The following SPTLC2 variants were observed in gnomAD, a reference collection of about 807,000 sequenced individuals.
SPTLC2 encodes serine palmitoyltransferase 2.
A neutral mutation model predicts 62.0 loss-of-function variants in SPTLC2; 21 were observed. The ratio of observed to expected loss-of-function variants is 0.34; its 90% CI spans 0.24 to 0.49. The LOEUF is 0.49. Ranked by LOEUF, SPTLC2 falls within the 20% of genes least tolerant of loss-of-function variation. The pLI, the probability that SPTLC2 is intolerant of heterozygous loss-of-function variation, is 0.99. For synonymous variants in SPTLC2, 261 were observed against 261.8 expected (o/e 1.00, Z 0.03); for missense variants, 511 against 713.0 (o/e 0.72, Z 3.23).
At chr14:77,564,278 G>A (rs112592400) in intron 5 of SPTLC2, among the ~76,000 whole-genome samples, 7 of 136,776 alleles carry the variant, frequency 5.1e-5, no homozygotes, top group African/African-American at 1.6e-4. Flanking sequence ...AGAGGAGGAA[G>A]AGGAGGAAAA....
chr14:77,585,018 G>A (rs1416209541), intron 2 of SPTLC2, among the ~76,000 whole-genome samples: 1 of 152,212 alleles, frequency 6.6e-6, no homozygotes, highest in Non-Finnish European at 1.5e-5. Context: ...CTATTCACCA[G>A]CCTCTGGCAG....
At chr14:77,578,764 C>G in intron 3 of SPTLC2, 191 bp downstream of exon 3, 2 of 559,468 alleles carry the variant, frequency 3.6e-6, no homozygotes, top group South Asian at 4.2e-5. Context: ...TAATCCAACA[C>G]AGTATCAAAT....
At chr14:77,597,069 TG>T in intron 2 of SPTLC2, 116 bp downstream of exon 2, 1 of 972,048 alleles carries the variant, frequency 1.0e-6, no homozygotes, top group Non-Finnish European at 1.5e-6. Context: ...TAACTGCATC[TG>T]GAATAGTTTA....
intron 2 of SPTLC2, among the ~76,000 whole-genome samples, chr14:77,591,022 C>T (rs1035214821): frequency 2.0e-5 from 3 of 152,172 alleles, no homozygotes; most frequent in African/African-American, 7.2e-5. Context: ...CAGTGGTAAA[C>T]CTACTACACA....
chr14:77,535,174 G>A (rs111542601), intron 9 of SPTLC2, among the ~76,000 whole-genome samples: 4,319 of 152,186 alleles, frequency 0.028, 219 homozygotes, highest in African/African-American at 0.098. Flanking sequence ...TGATCTGCCC[G>A]CCTCGGCCTT....
chr14:77,513,486 G>C (rs1204852530), intron 11 of SPTLC2, among the ~76,000 whole-genome samples: 1 of 152,208 alleles, frequency 6.6e-6, no homozygotes, highest in South Asian at 2.1e-4. Context: ...CCTCTGAGAA[G>C]AGGTATAAGT....
chr14:77,589,158 T>C (rs1325569782), intron 2 of SPTLC2, among the ~76,000 whole-genome samples: 1 of 152,152 alleles, frequency 6.6e-6, no homozygotes, highest in African/African-American at 2.4e-5. Flanking sequence ...AATGAAAGGT[T>C]TTCAGACTAC....
intron 11 of SPTLC2, among the ~76,000 whole-genome samples, chr14:77,515,662 G>C (rs1012816374): frequency 3.4e-5 from 5 of 148,152 alleles, no homozygotes; most frequent in African/African-American, 1.0e-4. Context: ...TGGTTCTTCC[G>C]CCTCAGTCTC....
At chr14:77,587,791 A>G (rs2079790608) in intron 2 of SPTLC2, among the ~76,000 whole-genome samples, 1 of 149,102 alleles carries the variant, frequency 6.7e-6, no homozygotes, top group African/African-American at 2.5e-5. Context: ...AATAATAATA[A>G]CTAATGCTGT....
intron 9 of SPTLC2, among the ~76,000 whole-genome samples, chr14:77,537,751 C>T (rs2079478640): frequency 6.6e-6 from 1 of 152,144 alleles, no homozygotes; most frequent in African/African-American, 2.4e-5. Context: ...CTCTCAGCTT[C>T]CCCCTTTTGT....
rs45493395 is a variant in SPTLC2 at position 77,510,125 on chromosome 14, T to C, written c.*2159A>G. 0.11 allele frequency: 41,606 copies of C among 394,058 alleles called. 2,413 individuals carry two copies. The highest frequency in any genetic ancestry group is 0.12 in the African/African-American group (5,821 of 48,624). 24.4% of individuals were successfully genotyped at this position (394,058 alleles called of 1,614,324 possible). A position where few individuals can be genotyped will look rare whatever the true frequency, so the allele number is the denominator to read the frequency against. The stretch of plus-strand genomic sequence containing the variant: ...GACAATGTATTTGATTTTATAGGAC[T>C]CCTATTTAGTTACCACAACCTCCTT... On this transcript the variant is annotated 3_prime_UTR_variant, in exon 12 of 12. Transcript: ENST00000216484.
chr14:77,608,447 CTT>C (rs1241079025), intron 1 of SPTLC2, among the ~76,000 whole-genome samples: 3 of 152,110 alleles, frequency 2.0e-5, no homozygotes, highest in Non-Finnish European at 4.4e-5. Context: ...TTTATCAAAA[CTT>C]AAGATTTAGC....
chr14:77,557,342 G>A, intron 6 of SPTLC2, 196 bp from the exon 7 acceptor site: 1 of 591,508 alleles, frequency 1.7e-6, no homozygotes, highest in South Asian at 2.0e-5. Context: ...TGTAACAAAT[G>A]TTCAAAACCA....
At chr14:77,533,540 A>G (rs534947426) in intron 9 of SPTLC2, among the ~76,000 whole-genome samples, 1 of 152,208 alleles carries the variant, frequency 6.6e-6, no homozygotes, top group Non-Finnish European at 1.5e-5. Context: ...CAGGGAGTGT[A>G]CACGCAAGCA....
At chr14:77,581,553 G>A (rs1329543240) in intron 2 of SPTLC2, among the ~76,000 whole-genome samples, 2 of 151,614 alleles carry the variant, frequency 1.3e-5, no homozygotes, top group African/African-American at 2.4e-5. Context: ...TGGGATTACA[G>A]GACTCTGCCA....
chr14:77,544,504 C>T (rs1286297400), intron 9 of SPTLC2, among the ~76,000 whole-genome samples: 1 of 152,192 alleles, frequency 6.6e-6, no homozygotes, highest in Non-Finnish European at 1.5e-5. Flanking sequence ...CCTTGAGATA[C>T]TCAATGGGTC....
intron 2 of SPTLC2, among the ~76,000 whole-genome samples, chr14:77,589,785 G>A (rs886247214): frequency 4.4e-5 from 5 of 112,450 alleles, no homozygotes; most frequent in African/African-American, 6.8e-5. Flanking sequence ...GCGAGAGTCC[G>A]TCTCCACACA....
chr14:77,540,342 C>T (rs17824646), intron 9 of SPTLC2, among the ~76,000 whole-genome samples: 10,552 of 152,066 alleles, frequency 0.069, 513 homozygotes, highest in Admixed American at 0.15. Context: ...TTCTTATCTG[C>T]TAATAAATTT....
intron 9 of SPTLC2, among the ~76,000 whole-genome samples, chr14:77,528,235 C>G (rs1210151944): frequency 2.0e-5 from 3 of 151,850 alleles, no homozygotes; most frequent in African/African-American, 7.3e-5. Flanking sequence ...CTCTTTTCCT[C>G]TTCTTTTTTT....
Sources: allele counts gnomAD v4.1 joint callset (sites outside exome capture counted in the v4.1 genomes callset), GRCh38; gene constraint gnomAD v4.1.1; transcripts MANE v1.5; gene names NCBI Gene and HGNC (gene_info 2026-07-23, HGNC 2026-07-21).